The following INPP4B variants were observed in gnomAD, a reference collection of about 807,000 sequenced individuals.
The protein encoded by INPP4B is inositol polyphosphate-4-phosphatase type II B.
A neutral mutation model predicts 122.5 loss-of-function variants in INPP4B; 55 were observed. That is an observed-to-expected ratio of 0.45 (90% CI 0.36 to 0.56). INPP4B has a LOEUF of 0.56. INPP4B is among the 20% of genes least tolerant of loss of function. The pLI is 0.00. For missense variants in INPP4B, 1,000 were observed against 1,097.7 expected, an observed-to-expected ratio of 0.91 and a Z score of 1.26; for synonymous variants, 403 against 388.7, an observed-to-expected ratio of 1.04 and a Z score of -0.43.
At chr4:142,259,256 A>G (rs1579493519) in intron 11 of INPP4B, among the ~76,000 whole-genome samples, 1 of 151,378 alleles carries the variant, frequency 6.6e-6, no homozygotes, top group African/African-American at 2.4e-5. Flanking sequence ...CTAATGCTAA[A>G]TGACGACTTA....
chr4:142,705,481 A>ACACACACACT (rs1356124836), intron 2 of INPP4B, among the ~76,000 whole-genome samples: 2 of 151,914 alleles, frequency 1.3e-5, no homozygotes, highest in East Asian at 3.9e-4. Context: ...ACACACACAC[A>ACACACACACT]CACACACACA....
intron 2 of INPP4B, among the ~76,000 whole-genome samples, chr4:142,626,482 C>T (rs1746435732): frequency 6.6e-6 from 1 of 151,820 alleles, no homozygotes; most frequent in African/African-American, 2.4e-5. Flanking sequence ...CAACAGCCCA[C>T]AAAAAAGCAG....
chr4:142,255,403 C>T (rs544398849), intron 11 of INPP4B, among the ~76,000 whole-genome samples: 1 of 152,124 alleles, frequency 6.6e-6, no homozygotes, highest in Non-Finnish European at 1.5e-5. Flanking sequence ...AAAAGACACA[C>T]ACTGGCAAAT....
chr4:142,183,979 G>A lies in INPP4B; in HGVS notation c.1181+9108C>T, dbSNP rs149688657. ...CTATAGTGAAGACAAGAAAATCCAA[G>A]AGTGGTTATGTATTTTGTCATTTTC... On this transcript the variant is annotated intron_variant, in intron 15 of 25. Coordinates refer to ENST00000262992, the MANE Select transcript of INPP4B (RefSeq NM_001101669.3). Among the ~76,000 whole-genome samples, 321 of 152,068 alleles carry A rather than the reference G, an allele frequency of 2.1e-3. 3 individuals are homozygous for A. The highest frequency in any genetic ancestry group is 7.3e-3 in the African/African-American group (304 of 41,470).
intron 7 of INPP4B, among the ~76,000 whole-genome samples, chr4:142,322,204 A>G (rs1770349050): frequency 1.3e-5 from 2 of 152,174 alleles, no homozygotes; most frequent in South Asian, 2.1e-4. Flanking sequence ...TTAATCTTGC[A>G]TGGAGAAAAT....
intron 2 of INPP4B, among the ~76,000 whole-genome samples, chr4:142,719,525 T>C (rs761523330): frequency 2.2e-4 from 34 of 152,140 alleles, no homozygotes; most frequent in Non-Finnish European, 4.4e-4. Flanking sequence ...GGTTTCGCGA[T>C]GTTGCCCAGG....
At chr4:142,238,290 C>T (rs2149977329) in intron 11 of INPP4B, among the ~76,000 whole-genome samples, 1 of 152,010 alleles carries the variant, frequency 6.6e-6, no homozygotes, top group East Asian at 1.9e-4. Context: ...ATACATCAAA[C>T]TCCAAATCAT....
At chr4:142,236,392 T>C (rs1264056999) in intron 12 of INPP4B, among the ~76,000 whole-genome samples, 2 of 152,186 alleles carry the variant, frequency 1.3e-5, no homozygotes, top group Non-Finnish European at 1.5e-5. Context: ...TGCCTAATAG[T>C]ATTAGGTAGG....
chr4:142,215,824 C>T (rs1035043997), intron 12 of INPP4B, among the ~76,000 whole-genome samples: 35 of 130,732 alleles, frequency 2.7e-4, no homozygotes, highest in South Asian at 2.6e-4. Flanking sequence ...ACCCAGGAGG[C>T]GGAGCTTGCA....
At chr4:142,373,259 G>A (rs1790576894) in intron 7 of INPP4B, among the ~76,000 whole-genome samples, 1 of 151,958 alleles carries the variant, frequency 6.6e-6, no homozygotes, top group Non-Finnish European at 1.5e-5. Flanking sequence ...GATGAATAGA[G>A]TAACAACATT....
chr4:142,090,134 A>G (rs538449635), intron 23 of INPP4B, among the ~76,000 whole-genome samples: 1 of 152,308 alleles, frequency 6.6e-6, no homozygotes, highest in South Asian at 2.1e-4. Flanking sequence ...AAGCCATTTT[A>G]AACAGACTAT....
intron 2 of INPP4B, among the ~76,000 whole-genome samples, chr4:142,720,805 C>CTATATA (rs1486439869): frequency 1.0e-3 from 16 of 15,856 alleles, no homozygotes; most frequent in East Asian, 6.1e-3. Context: ...CTCTCTCTCT[C>CTATATA]TCTCTATATA....
At chr4:142,054,393 C>G (rs1299642186) in intron 25 of INPP4B, among the ~76,000 whole-genome samples, 1 of 151,884 alleles carries the variant, frequency 6.6e-6, no homozygotes, top group African/African-American at 2.4e-5. Flanking sequence ...ATTTCAAGTT[C>G]CACCTGGGAA....
chr4:142,116,082 T>A (rs972157952), intron 21 of INPP4B, among the ~76,000 whole-genome samples: 5 of 152,006 alleles, frequency 3.3e-5, no homozygotes, highest in African/African-American at 1.2e-4. Flanking sequence ...TACATAATGG[T>A]AAAGGGATCA....
chr4:142,295,207 T>TA (rs1758146221), intron 9 of INPP4B, among the ~76,000 whole-genome samples: 1 of 152,174 alleles, frequency 6.6e-6, no homozygotes, highest in Non-Finnish European at 1.5e-5. Flanking sequence ...TACGCAAGCT[T>TA]AAAAAGAATC....
chr4:142,720,893 C>T (rs1362742611), intron 2 of INPP4B, among the ~76,000 whole-genome samples: 8 of 111,256 alleles, frequency 7.2e-5, no homozygotes, highest in African/African-American at 2.8e-4. Flanking sequence ...GAGTGCATCT[C>T]GTGTGTGTGT....
At chr4:142,836,047 G>C (rs909561333) in intron 1 of INPP4B, among the ~76,000 whole-genome samples, 2 of 152,114 alleles carry the variant, frequency 1.3e-5, no homozygotes, top group African/African-American at 4.8e-5. Context: ...TCTAGCATGA[G>C]TCCTTGCATA....
intron 11 of INPP4B, among the ~76,000 whole-genome samples, chr4:142,257,381 A>G (rs1248645857): frequency 6.6e-6 from 1 of 152,156 alleles, no homozygotes; most frequent in East Asian, 1.9e-4. Flanking sequence ...AAGGAAATAA[A>G]GGGTATTCAA....
chr4:142,499,829 A>G (rs1425535), intron 2 of INPP4B, among the ~76,000 whole-genome samples: 24,255 of 152,092 alleles, frequency 0.16, 2,277 homozygotes, highest in East Asian at 0.39. Context: ...AACCTCTTAC[A>G]TCTACAAAGA....
Sources: gnomAD v4.1 joint callset for allele counts (sites outside exome capture counted in the v4.1 genomes callset) on GRCh38, gnomAD v4.1.1 for gene constraint, MANE v1.5 for transcripts, NCBI Gene and HGNC (gene_info 2026-07-23, HGNC 2026-07-21) for gene names.